Variants in ADAMTS12 observed in about 807,000 individuals in gnomAD.
ADAMTS12 encodes A disintegrin and metalloproteinase with thrombospondin motifs 12.
A neutral mutation model predicts 167.8 loss-of-function variants in ADAMTS12; 118 were observed. That is an observed-to-expected ratio of 0.70 (90% CI 0.61 to 0.82). The LOEUF is 0.82. Among genes scored for constraint, ADAMTS12 ranks in the 40% least tolerant of loss-of-function variants. The pLI is 0.00. For missense variants in ADAMTS12, 1,916 were observed against 1,998.8 expected (o/e 0.96, Z 0.79); for synonymous variants, 704 against 716.9 (o/e 0.98, Z 0.29).
intron 2 of ADAMTS12, among the ~76,000 whole-genome samples, chr5:33,846,864 T>G (rs1748966270): frequency 6.6e-6 from 1 of 152,206 alleles, no homozygotes; most frequent in African/African-American, 2.4e-5. Flanking sequence ...GCACACCAAT[T>G]AGCTCATTTG....
rs143790397 is a variant in ADAMTS12 at position 33,844,793 on chromosome 5, G to A, written c.489+36326C>T. Among the ~76,000 whole-genome samples, 211 of 152,098 alleles carry A rather than the reference G, an allele frequency of 1.4e-3. 1 individual carries two copies. Among genetic ancestry groups the A allele is most frequent in the African/African-American group, 4.7e-3 (195 of 41,460 alleles). ...ACTAATAAAAACTTGCTGGTTTTGC[G>A]GCTTGTGGGGCATCACGGAACCTAC... On this transcript the variant is annotated intron_variant, in intron 2 of 23. Coordinates refer to ENST00000504830, the MANE Select transcript of ADAMTS12 (RefSeq NM_030955.4).
In ADAMTS12 at chr5:33,687,511, G is replaced by A. The variant is rs548355894; in HGVS notation, c.635-3456C>T. ...AAGGCCCAAGTTACTCTCCTGAATA[G>A]AGACAAAGGAGTATGTGACGTGATC... is the stretch of plus-strand genomic sequence containing the variant. On this transcript the variant is annotated intron_variant, in intron 3 of 23. Transcript: ENST00000504830. Among the ~76,000 whole-genome samples, 3 of 152,346 alleles carry A rather than the reference G, an allele frequency of 2.0e-5. No individual in the cohort carries two copies. In the South Asian group the frequency reaches 6.2e-4, roughly 32 times the overall value.
At chr5:33,819,423 C>A (rs1048094956) in intron 2 of ADAMTS12, among the ~76,000 whole-genome samples, 1 of 151,798 alleles carries the variant, frequency 6.6e-6, no homozygotes, top group Non-Finnish European at 1.5e-5. Flanking sequence ...TTCCATTGGT[C>A]TATGTTTCTG....
intron 19 of ADAMTS12, among the ~76,000 whole-genome samples, chr5:33,571,478 A>G (rs1451785341): frequency 6.6e-6 from 1 of 152,170 alleles, no homozygotes; most frequent in African/African-American, 2.4e-5. Flanking sequence ...AAACTGAACA[A>G]CCTGCTCCCG....
chr5:33,608,314 G>A (rs146191859), intron 16 of ADAMTS12, among the ~76,000 whole-genome samples: 37 of 152,164 alleles, frequency 2.4e-4, no homozygotes, highest in African/African-American at 8.0e-4. Flanking sequence ...ATTACAAGTC[G>A]GCAAATAATC....
At chr5:33,542,892 A>C (rs938409057) in intron 22 of ADAMTS12, among the ~76,000 whole-genome samples, 2 of 152,220 alleles carry the variant, frequency 1.3e-5, no homozygotes, top group African/African-American at 4.8e-5. Flanking sequence ...ATAACACTAA[A>C]TGCCCACAAG....
intron 2 of ADAMTS12, among the ~76,000 whole-genome samples, chr5:33,760,373 C>CA (rs199961067): frequency 0.025 from 2,801 of 111,740 alleles, 92 homozygotes; most frequent in East Asian, 0.17. Context: ...AAAAAGATGC[C>CA]AAAAAAAAAA....
intron 19 of ADAMTS12, among the ~76,000 whole-genome samples, chr5:33,574,023 A>T (rs1301896910): frequency 3.3e-5 from 5 of 152,354 alleles, no homozygotes; most frequent in East Asian, 1.9e-4. Context: ...CCATCAGACA[A>T]ATGCAAATCA....
chr5:33,576,866 T>TA lies in ADAMTS12; in HGVS notation c.3159dup (p.Thr1054TyrfsTer17). On this transcript the variant is annotated frameshift_variant, in exon 19 of 24. Transcript: ENST00000504830. LOFTEE classifies it high-confidence loss of function. ...AGGTCTCCTTCTTTGGAGGCTGTGGTAGGACTAGGGCTGCTGATTGCTGGA... is the reference window on the plus strand; with the variant it reads ...AGGTCTCCTTCTTTGGAGGCTGTGGTAAGGACTAGGGCTGCTGATTGCTGGA... 4 of 1,614,184 alleles carry TA rather than the reference T, an allele frequency of 2.5e-6. No homozygotes were observed. Among genetic ancestry groups the TA allele is most frequent in the Non-Finnish European group, 3.4e-6 (4 of 1,180,018 alleles).
At chr5:33,599,243 T>G (rs1243657626) in intron 16 of ADAMTS12, among the ~76,000 whole-genome samples, 2 of 152,212 alleles carry the variant, frequency 1.3e-5, no homozygotes, top group Non-Finnish European at 1.5e-5. Flanking sequence ...AATTTAAGGG[T>G]GCTTTGTTAT....
chr5:33,641,365 T>G (rs1477597059), intron 11 of ADAMTS12, among the ~76,000 whole-genome samples: 1 of 152,206 alleles, frequency 6.6e-6, no homozygotes, highest in Non-Finnish European at 1.5e-5. Flanking sequence ...GTTTTACTAG[T>G]TGCTTAAGGA....
In ADAMTS12 at chr5:33,881,325, T is replaced by A. The variant is rs748603209; in HGVS notation, c.283A>T (p.Ile95Phe). 5 of 1,614,200 alleles carry A rather than the reference T, an allele frequency of 3.1e-6. No individual in the cohort carries two copies. In the East Asian group the frequency reaches 1.1e-4, roughly 36 times the overall value. ...AACAGGTCCTTCTCCTCGTGAGAAATTCTGTAGTACACCCAGTCCTCTGAG... is the reference window on the plus strand; with the variant it reads ...AACAGGTCCTTCTCCTCGTGAGAAAATCTGTAGTACACCCAGTCCTCTGAG... ...DGSEDWVYYR[I>F]SHEEKDLFFN... Residue 95 changes from isoleucine (I) to phenylalanine (F), a missense_variant, in exon 2 of 24, where the codon ATT becomes TTT. Coordinates refer to ENST00000504830, the MANE Select transcript of ADAMTS12 (RefSeq NM_030955.4).
chr5:33,675,036 G>A (rs150480712), intron 5 of ADAMTS12, among the ~76,000 whole-genome samples: 132 of 152,252 alleles, frequency 8.7e-4, no homozygotes, highest in Non-Finnish European at 1.3e-3. Context: ...TTGGATGCTT[G>A]CTTGCCATGT....
intron 3 of ADAMTS12, among the ~76,000 whole-genome samples, chr5:33,688,116 G>A (rs184278088): frequency 6.6e-6 from 1 of 152,238 alleles, no homozygotes; most frequent in East Asian, 1.9e-4. Flanking sequence ...ACCATAACAG[G>A]CAAAAGTGGC....
chr5:33,665,559 C>T (rs561378600), intron 5 of ADAMTS12, among the ~76,000 whole-genome samples: 1 of 152,064 alleles, frequency 6.6e-6, no homozygotes, highest in Admixed American at 6.5e-5. Flanking sequence ...AGAGAGAAAT[C>T]AAGAAGAGGG....
At chr5:33,641,111 A>G (rs531764329) in intron 11 of ADAMTS12, among the ~76,000 whole-genome samples, 3 of 152,146 alleles carry the variant, frequency 2.0e-5, no homozygotes, top group Non-Finnish European at 2.9e-5. Context: ...GAGACAGTAT[A>G]TCAGAAAATA....
chr5:33,849,159 T>A (rs1264124634), intron 2 of ADAMTS12, among the ~76,000 whole-genome samples: 1 of 106,772 alleles, frequency 9.4e-6, no homozygotes, highest in African/African-American at 3.7e-5. Flanking sequence ...GCAATATATA[T>A]ATGTATTGCA....
chr5:33,743,690 TC>T (rs1163428715), intron 3 of ADAMTS12, among the ~76,000 whole-genome samples: 10 of 152,320 alleles, frequency 6.6e-5, no homozygotes, highest in Non-Finnish European at 1.5e-4. Context: ...TCTGCGTCTA[TC>T]CATCCATCCA....
chr5:33,594,202 T>C (rs1747794493), intron 17 of ADAMTS12, among the ~76,000 whole-genome samples: 1 of 152,186 alleles, frequency 6.6e-6, no homozygotes. Flanking sequence ...TTTGATGGCT[T>C]TATTAGGGCA....
Sources: allele counts gnomAD v4.1 joint callset (sites outside exome capture counted in the v4.1 genomes callset), GRCh38; gene constraint gnomAD v4.1.1; transcripts MANE v1.5; gene names NCBI Gene and HGNC (gene_info 2026-07-23, HGNC 2026-07-21).